CACNA1H: variants seen among roughly 807,000 people sequenced by gnomAD.
The protein encoded by CACNA1H is voltage-dependent T-type calcium channel subunit alpha-1H.
In CACNA1H, 149 loss-of-function variants were observed where a neutral mutation model predicts 192.5. That is an observed-to-expected ratio of 0.77 (90% CI 0.68 to 0.89). The LOEUF (loss-of-function observed/expected upper bound fraction) is 0.89, where lower values mean the gene tolerates loss of function less well. Ranked by LOEUF, CACNA1H falls within the 40% of genes least tolerant of loss-of-function variation. The pLI, the probability that CACNA1H is intolerant of heterozygous loss-of-function variation, is 0.00. For synonymous variants in CACNA1H, 2,202 were observed against 1,475.2 expected, an observed-to-expected ratio of 1.49 and a Z score of -11.29; for missense variants, 4,257 against 3,423.5, an observed-to-expected ratio of 1.24 and a Z score of -6.08.
intron 12 of CACNA1H, 88 bp from the exon 13 acceptor site, chr16:1,206,913 T>TCCCCCCCCCCCCCCCCCCCCCCCC: frequency 1.4e-5 from 1 of 70,704 alleles, no homozygotes; most frequent in Non-Finnish European, 2.7e-5. Context: ...TGCCCCTCCC[T>TCCCCCCCCCCCCCCCCCCCCCCCC]CCTCCCACCC....
At chr16:1,193,471 G>T (rs938568076) in intron 2 of CACNA1H, among the ~76,000 whole-genome samples, 1 of 152,250 alleles carries the variant, frequency 6.6e-6, no homozygotes, top group African/African-American at 2.4e-5. Context: ...TGTGCTCTGA[G>T]GCTTGCCGTG....
In CACNA1H at chr16:1,206,038, C is replaced by T. The variant is rs1428853062; in HGVS notation, c.2604-66C>T. On this transcript the variant is annotated intron_variant, in intron 11 of 34. Coordinates refer to ENST00000348261, the MANE Select transcript of CACNA1H (RefSeq NM_021098.3). ...GCTCCCTGGCTGGTGACCCTGCTTC[C>T]AGTGGGACGAGGGCCTGGGGTCAGG... 3 of 1,457,326 alleles carry T rather than the reference C, an allele frequency of 2.1e-6. No individual in the cohort carries two copies. In the African/African-American group the frequency reaches 4.2e-5, roughly 21 times the overall value. 90.3% of individuals were successfully genotyped at this position (1,457,326 alleles called of 1,614,324 possible).
At chr16:1,219,524 T>A (rs1970310334) in intron 34 of CACNA1H, among the ~76,000 whole-genome samples, 1 of 152,196 alleles carries the variant, frequency 6.6e-6, no homozygotes, top group Non-Finnish European at 1.5e-5. Context: ...AGACAGCGGC[T>A]TTTTCAGTCC....
rs982643959 is a variant in CACNA1H, at chr16:1,164,186, G to T, written c.299+10150G>T. Among the ~76,000 whole-genome samples, 4 of 152,156 alleles carry T rather than the reference G, an allele frequency of 2.6e-5. No individual in the cohort carries two copies. In the South Asian group the frequency reaches 8.3e-4, roughly 31 times the overall value. On this transcript the variant is annotated intron_variant, in intron 2 of 34. Transcript: ENST00000348261. Reference sequence around the variant, plus strand: ...CAGGATGCCCGTTCAGTTATGTTTGGATTTCAGTTAAGTAAGAATGTCTTA... The same window carrying T: ...CAGGATGCCCGTTCAGTTATGTTTGTATTTCAGTTAAGTAAGAATGTCTTA...
chr16:1,217,309 G>A (rs552622754), intron 31 of CACNA1H, among the ~76,000 whole-genome samples: 11 of 152,356 alleles, frequency 7.2e-5, no homozygotes, highest in African/African-American at 2.6e-4. Flanking sequence ...CTAGAGACGT[G>A]CACACACAGA....
chr16:1,173,103 A>G (rs1283702649), intron 2 of CACNA1H, among the ~76,000 whole-genome samples: 1 of 151,840 alleles, frequency 6.6e-6, no homozygotes, highest in Non-Finnish European at 1.5e-5. Context: ...GTCCTTGTGG[A>G]TATTGGGGTG....
rs570245223 is a variant in CACNA1H, at chr16:1,195,764, G to A, written c.546-162G>A. On this transcript the variant is annotated intron_variant, in intron 4 of 34. Coordinates refer to ENST00000348261, the MANE Select transcript of CACNA1H (RefSeq NM_021098.3). ...GGAGGTGGCCTCCTGATGTGACCAA[G>A]CGTTGTGCTCCTGCTACCTCGGGGC... Among the ~76,000 whole-genome samples the A allele has an allele frequency of 1.2e-4, 19 of 152,296 alleles. No individual in the cohort carries two copies. In the South Asian group the frequency reaches 3.7e-3, roughly 30 times the overall value.
intron 8 of CACNA1H, among the ~76,000 whole-genome samples, 166 bp from the exon 9 acceptor site, chr16:1,201,497 G>T (rs532637305): frequency 5.9e-5 from 9 of 152,158 alleles, no homozygotes; most frequent in African/African-American, 2.2e-4. Context: ...TGCTCCAGAC[G>T]TGGGGGCTCA....
rs377723423 is a variant in CACNA1H, at chr16:1,221,331, G to A, written c.*337G>A. On this transcript the variant is annotated 3_prime_UTR_variant, in exon 35 of 35. Coordinates refer to ENST00000348261, the MANE Select transcript of CACNA1H (RefSeq NM_021098.3). The stretch of plus-strand genomic sequence containing the variant: ...CAGAGAGGGGAAGGTACCAGGTTGC[G>A]TCCTTTCAGGCCCCGCGTTGTTACA... 195 of 368,548 alleles carry A rather than the reference G, an allele frequency of 5.3e-4. No individual in the cohort carries two copies. The Middle Eastern group carries it at 0.01, about 19-fold the overall frequency. 22.8% of individuals were successfully genotyped at this position (368,548 alleles called of 1,614,324 possible). A position where few individuals can be genotyped will look rare whatever the true frequency, so the allele number is the denominator to read the frequency against.
Position 1,209,865 on chromosome 16 carries a change from A to G in CACNA1H, c.3745-170A>G, listed in dbSNP as rs1288065286. Among the ~76,000 whole-genome samples, 6 of 152,312 alleles carry G rather than the reference A, an allele frequency of 3.9e-5. No individual in the cohort carries two copies. In the South Asian group the frequency reaches 8.3e-4, roughly 21 times the overall value. ...GTAGGGAAGGGGGAGGCTCCACGGT[A>G]TGGGCCCCAGAGGCCAGAAAGCCAG... On this transcript the variant is annotated intron_variant, in intron 17 of 34. Coordinates refer to ENST00000348261, the MANE Select transcript of CACNA1H (RefSeq NM_021098.3).
At chr16:1,214,908 G>A (rs1969878412) in intron 27 of CACNA1H, 64 bp from the exon 28 acceptor site, 1 of 1,268,390 alleles carries the variant, frequency 7.9e-7, no homozygotes, top group Non-Finnish European at 1.1e-6. Context: ...CGTGCAGAGT[G>A]GGAGCCAGGG....
intron 2 of CACNA1H, among the ~76,000 whole-genome samples, chr16:1,186,954 C>T (rs1231531268): frequency 6.6e-6 from 1 of 152,262 alleles, no homozygotes; most frequent in East Asian, 1.9e-4. Flanking sequence ...CCGGGGATCT[C>T]CTGTACCACC....
intron 25 of CACNA1H, 42 bp from the exon 26 acceptor site, chr16:1,212,469 C>T (rs780491029): frequency 4.4e-5 from 70 of 1,593,484 alleles, no homozygotes; most frequent in Non-Finnish European, 5.4e-5. Context: ...GGCCCGAGTG[C>T]GCCACGCCCT....
chr16:1,192,218 C>T (rs933698596), intron 2 of CACNA1H, among the ~76,000 whole-genome samples: 7 of 152,350 alleles, frequency 4.6e-5, no homozygotes, highest in African/African-American at 1.4e-4. Context: ...CGCTGCCAGT[C>T]ACAAAGGCTT....
intron 2 of CACNA1H, among the ~76,000 whole-genome samples, chr16:1,173,458 C>G (rs112830642): frequency 3.3e-5 from 5 of 152,268 alleles, no homozygotes; most frequent in Non-Finnish European, 7.3e-5. Flanking sequence ...CCTGGGTTCT[C>G]TCTCTCGCTA....
intron 6 of CACNA1H, among the ~76,000 whole-genome samples, chr16:1,199,450 C>T (rs1967488603): frequency 1.2e-5 from 1 of 81,144 alleles, no homozygotes; most frequent in Non-Finnish European, 2.7e-5. Flanking sequence ...GCGGTCGCTG[C>T]ATATATGCCC....
rs191020225 is a variant in CACNA1H, at chr16:1,190,341, A to G, written c.300-4631A>G. ...AATCCATCTGTATGATTAAGCCTCC[A>G]GAAGTCACCAGGCTCCGTGCGACAC... On this transcript the variant is annotated intron_variant, in intron 2 of 34. Transcript: ENST00000348261. Among the ~76,000 whole-genome samples the G allele has an allele frequency of 1.1e-4, 17 of 152,372 alleles. No homozygotes were observed. In the East Asian group the frequency reaches 1.9e-3, roughly 17 times the overall value.
chr16:1,211,315 C>CG lies in CACNA1H; in HGVS notation c.4350+26dup, dbSNP rs1437487033. ...TGCAGGTGTGTGGCCCCCACGTGCC[C>CG]GGGGGTCTGCCCCGTCGCAGACAGG... On this transcript the variant is annotated intron_variant, in intron 22 of 34. Coordinates refer to ENST00000348261, the MANE Select transcript of CACNA1H (RefSeq NM_021098.3). 1.4e-5 allele frequency: 23 copies of CG among 1,612,416 alleles called. No individual in the cohort carries two copies. The African/African-American group carries it at 2.8e-4, about 20-fold the overall frequency.
chr16:1,159,851 G>C (rs572823153), intron 2 of CACNA1H: 1 of 152,314 alleles, frequency 6.6e-6, no homozygotes, highest in African/African-American at 2.4e-5. Flanking sequence ...CATTCTTGCC[G>C]GGGCCAGCTG....
Sources: gnomAD v4.1 joint callset for allele counts (sites outside exome capture counted in the v4.1 genomes callset) on GRCh38, gnomAD v4.1.1 for gene constraint, MANE v1.5 for transcripts, NCBI Gene and HGNC (gene_info 2026-07-23, HGNC 2026-07-21) for gene names.